The following OR14A16 variants were observed in gnomAD, a reference collection of about 807,000 sequenced individuals.
OR14A16 encodes the protein olfactory receptor family 14 subfamily A member 16.
For synonymous variants in OR14A16, 135 were observed against 137.6 expected (o/e 0.98, Z 0.13); for missense variants, 341 against 366.5 (o/e 0.93, Z 0.57).
intron 1 of OR14A16, among the ~76,000 whole-genome samples, chr1:247,821,246 T>A (rs909341017): frequency 5.3e-5 from 8 of 152,212 alleles, no homozygotes; most frequent in Admixed American, 3.9e-4. Context: ...TGCTATTGGA[T>A]GGAATGTTTG....
At chr1:247,822,588 C>T (rs978573444) in intron 1 of OR14A16, among the ~76,000 whole-genome samples, 4 of 152,126 alleles carry the variant, frequency 2.6e-5, no homozygotes, top group African/African-American at 4.8e-5. Flanking sequence ...TCATCCAACT[C>T]GCACTTGGCC....
At chr1:247,820,720 C>T (rs901741098) in intron 1 of OR14A16, among the ~76,000 whole-genome samples, 2 of 151,150 alleles carry the variant, frequency 1.3e-5, no homozygotes, top group Admixed American at 6.6e-5. Context: ...ATTACCCAAG[C>T]GTGGTGGTGC....
rs566880862 is a variant in OR14A16, at chr1:247,818,120, C to T, written c.-16+943G>A. On this transcript the variant is annotated intron_variant, in intron 2 of 2. Transcript: ENST00000641093. Reference sequence around the variant, plus strand: ...TTCCCAAATCCAGACAAATTTTAACCCCAAAATTTTTAAAATATGAAATGT... The same window carrying T: ...TTCCCAAATCCAGACAAATTTTAACTCCAAAATTTTTAAAATATGAAATGT... Among the ~76,000 whole-genome samples the T allele has an allele frequency of 2.0e-5, 3 of 151,800 alleles. No individual in the cohort carries two copies. The East Asian group carries it at 5.8e-4, about 29-fold the overall frequency.
At chr1:247,822,589 G>A (rs7540827) in intron 1 of OR14A16, among the ~76,000 whole-genome samples, 25,859 of 152,010 alleles carry the variant, frequency 0.17, 2,871 homozygotes, top group African/African-American at 0.32. Flanking sequence ...CATCCAACTC[G>A]CACTTGGCCT....
chr1:247,815,714 T>C lies in OR14A16; in HGVS notation c.16A>G (p.Ile6Val), dbSNP rs2103281582. The change falls in exon 3 of 3, where the codon ATC (isoleucine) becomes GTC (valine). Residue 6 changes from isoleucine to valine, a missense_variant. By Grantham distance (29) the Ile-to-Val change is conservative. Transcript: ENST00000641093. ...CCCATAAGGATAAATTCAGTCACGA[T>C]TGTGAGATTTGCCATTATTGCAGGA... MANLT[I>V]VTEFILMGFS... 1 of 1,580,654 alleles carries C rather than the reference T, an allele frequency of 6.3e-7. No homozygotes were observed. Among genetic ancestry groups the C allele is most frequent in the Non-Finnish European group, 8.6e-7 (1 of 1,157,202 alleles).
At position 247,814,901 on chromosome 1, in the gene OR14A16, T is replaced by C. The variant is rs771794004; in HGVS notation, c.829A>G (p.Met277Val). 6.2e-7 allele frequency: 1 copy of C among 1,613,944 alleles called. No homozygotes were observed. Among genetic ancestry groups the C allele is most frequent in the African/African-American group, 1.3e-5 (1 of 75,032 alleles). The change falls in exon 3 of 3, where the codon ATG becomes GTG. Residue 277 changes from methionine (M) to valine (V), a missense_variant. Coordinates refer to ENST00000641093, the MANE Select transcript of OR14A16 (RefSeq NM_001001966.2). ...LDAVISVFYT[M>V]LPPTFNPIIY... ...ATGGGATTAAAGGTTGGGGGCAGCATAGTGTAGAACACAGAAATTACAGCA... is the reference window on the plus strand; with the variant it reads ...ATGGGATTAAAGGTTGGGGGCAGCACAGTGTAGAACACAGAAATTACAGCA...
chr1:247,815,239 AAGG>A lies in OR14A16; in HGVS notation c.488_490del (p.Ser163del), dbSNP rs35979231. 1,373,358 of 1,613,268 alleles carry A rather than the reference AAGG, an allele frequency of 0.85. 597,943 individuals carry two copies. The highest frequency in any genetic ancestry group is 0.98 in the East Asian group (43,798 of 44,872). ...GACCATGTTGGACCCACAGTAGGAT[AAGG>A]AGAAGGTGCCAGCTGTGTGCATCAC... is the stretch of plus-strand genomic sequence containing the variant. On this transcript the variant is annotated inframe_deletion, in exon 3 of 3. Coordinates refer to ENST00000641093, the MANE Select transcript of OR14A16 (RefSeq NM_001001966.2).
intron 2 of OR14A16, among the ~76,000 whole-genome samples, chr1:247,816,256 A>G (rs933760112): frequency 2.6e-5 from 4 of 152,214 alleles, no homozygotes; most frequent in African/African-American, 9.6e-5. Context: ...CCCTCAAGCT[A>G]TTCTACAAAG....
Position 247,815,753 on chromosome 1 carries a change from A to G in OR14A16, c.-15-9T>C, listed in dbSNP as rs1317286232. 4 of 1,243,252 alleles carry G rather than the reference A, an allele frequency of 3.2e-6. No individual in the cohort carries two copies. The African/African-American group carries it at 5.9e-5, about 18-fold the overall frequency. 77.0% of individuals were successfully genotyped at this position (1,243,252 alleles called of 1,614,324 possible). A position where few individuals can be genotyped will look rare whatever the true frequency, so the allele number is the denominator to read the frequency against. On this transcript the variant is annotated splice_polypyrimidine_tract_variant and intron_variant, in intron 2 of 2. Transcript: ENST00000641093. ...ATTATTGCAGGAGTAATCTGCAGGAAAAGGAGAAGACTGAAGTAAAATATC... is the reference window on the plus strand; with the variant it reads ...ATTATTGCAGGAGTAATCTGCAGGAGAAGGAGAAGACTGAAGTAAAATATC...
At chr1:247,820,151 G>C (rs1266006748) in intron 1 of OR14A16, among the ~76,000 whole-genome samples, 1 of 152,142 alleles carries the variant, frequency 6.6e-6, no homozygotes, top group Non-Finnish European at 1.5e-5. Context: ...TTTTGCATCT[G>C]TGTTTATCTG....
chr1:247,815,472 G>T lies in OR14A16; in HGVS notation c.258C>A (p.His86Gln), dbSNP rs767121430. 2 of 1,614,048 alleles carry T rather than the reference G, an allele frequency of 1.2e-6. No homozygotes were observed. Among genetic ancestry groups the T allele is most frequent in the East Asian group, 4.5e-5 (2 of 44,878 alleles). The change falls in exon 3 of 3, where the codon CAC (histidine) becomes CAA (glutamine). Residue 86 changes from histidine to glutamine, a missense_variant. Physicochemically the swap from His to Gln is conservative, Grantham distance 24. Transcript: ENST00000641093. ...APKSIANSLIHNNSISFLGCV... is the reference protein window; with the variant it reads ...APKSIANSLIQNNSISFLGCV... ...AGCCAAGGAATGAAATGGAGTTGTT[G>T]TGTATCAAAGAATTGGCGATAGATT...
Position 247,814,984 on chromosome 1 carries a change from A to G in OR14A16, c.746T>C (p.Leu249Pro). The G allele has an allele frequency of 6.2e-7, 1 of 1,613,984 alleles. No homozygotes were observed. Among genetic ancestry groups the G allele is most frequent in the African/African-American group, 1.3e-5 (1 of 75,028 alleles). The part of the protein sequence containing the change: ...CLPHLLVVLF[L>P]STGFIAYLKP... ...CAGATAAGCAATGAATCCAGTGGAA[A>G]GAAATAACACAACCAGCAAGTGTGG... is the stretch of plus-strand genomic sequence containing the variant. Residue 249 changes from leucine (L) to proline (P), a missense_variant, in exon 3 of 3, where the codon CTT (leucine) becomes CCT (proline). By Grantham distance (98) the Leu-to-Pro change is moderately conservative (BLOSUM62 -3). Transcript: ENST00000641093.
chr1:247,822,256 C>T (rs1662752511), intron 1 of OR14A16, among the ~76,000 whole-genome samples: 1 of 127,698 alleles, frequency 7.8e-6, no homozygotes, highest in Non-Finnish European at 1.6e-5. Context: ...AGTCCATGTA[C>T]TGAGAGAGGA....
chr1:247,814,829 A>G lies in OR14A16; in HGVS notation c.901T>C (p.Leu301=), dbSNP rs947240245. The stretch of plus-strand genomic sequence containing the variant: ...TTTTTGGTGAGCTTTCCCTTTATCA[A>G]CATCCCCAGAGCCACCTTTATGGCC... ...NKAIKVALGM[L]IKGKLTKK Residue 301 remains leucine, a synonymous_variant, in exon 3 of 3, where the codon TTG becomes CTG. Coordinates refer to ENST00000641093, the MANE Select transcript of OR14A16 (RefSeq NM_001001966.2). 5.1e-6 allele frequency: 8 copies of G among 1,574,204 alleles called. No individual in the cohort carries two copies. The highest frequency in any genetic ancestry group is 4.1e-5 in the African/African-American group (3 of 72,698).
In OR14A16 at chr1:247,819,060, TA is replaced by T. The variant is rs1662678451; in HGVS notation, c.-16+2del. On this transcript the variant is annotated splice_donor_variant, in intron 2 of 2. Coordinates refer to ENST00000641093, the MANE Select transcript of OR14A16 (RefSeq NM_001001966.2). LOFTEE classifies it low-confidence loss of function (5UTR_SPLICE). Reference sequence around the variant, plus strand: ...ATGAGTTTTCTTTTAAAAAATGACTTACTCTATACCTCCAATCTGGCGCACG... The same window carrying T: ...ATGAGTTTTCTTTTAAAAAATGACTTCTCTATACCTCCAATCTGGCGCACG... The T allele has an allele frequency of 6.6e-6, 1 of 151,602 alleles. No homozygotes were observed. Among genetic ancestry groups the T allele is most frequent in the Admixed American group, 6.6e-5 (1 of 15,202 alleles). The allele number at this position is 151,602 out of a possible 1,614,324, so 9.4% of individuals were successfully genotyped here.
chr1:247,820,427 G>C (rs1222706443), intron 1 of OR14A16, among the ~76,000 whole-genome samples: 1 of 152,018 alleles, frequency 6.6e-6, no homozygotes, highest in Non-Finnish European at 1.5e-5. Flanking sequence ...ATTTTCTATT[G>C]TCTTTCTGGA....
At chr1:247,820,636 A>G (rs1662716181) in intron 1 of OR14A16, among the ~76,000 whole-genome samples, 1 of 151,830 alleles carries the variant, frequency 6.6e-6, no homozygotes, top group East Asian at 1.9e-4. Flanking sequence ...ACTTGAGGTC[A>G]GGAGTTCGAG....
intron 2 of OR14A16, among the ~76,000 whole-genome samples, chr1:247,817,150 A>C (rs1662637457): frequency 2.0e-5 from 3 of 152,200 alleles, no homozygotes; most frequent in Non-Finnish European, 4.4e-5. Flanking sequence ...ATTTAGTAAA[A>C]TATTAAAACT....
intron 1 of OR14A16, 107 bp from the exon 2 acceptor site, chr1:247,819,284 A>T (rs1662683594): frequency 6.6e-6 from 1 of 152,216 alleles, no homozygotes; most frequent in African/African-American, 2.4e-5. Context: ...GTGTGTGAGG[A>T]GCAGAGGAAA....
Sources: allele counts gnomAD v4.1 joint callset (sites outside exome capture counted in the v4.1 genomes callset), GRCh38; gene constraint gnomAD v4.1.1; transcripts MANE v1.5; gene names NCBI Gene and HGNC (gene_info 2026-07-23, HGNC 2026-07-21).